The following CEP97 variants were observed in gnomAD, a reference collection of about 807,000 sequenced individuals.
CEP97 encodes centrosomal protein of 97 kDa.
Under a neutral mutation model 73.1 loss-of-function variants are expected in CEP97, and 43 were observed. The observed-to-expected ratio is 0.59, with a 90% confidence interval of 0.46 to 0.76. The LOEUF (loss-of-function observed/expected upper bound fraction) is 0.76. Ranked by LOEUF, CEP97 falls within the 30% of genes least tolerant of loss-of-function variation. CEP97 has a pLI of 0.00. For missense variants in CEP97, 939 were observed against 1,014.0 expected, an observed-to-expected ratio of 0.93 and a Z score of 1.00; for synonymous variants, 337 against 370.0, an observed-to-expected ratio of 0.91 and a Z score of 1.02.
chr3:101,751,540 G>A (rs1280162997), intron 6 of CEP97, among the ~76,000 whole-genome samples: 2 of 152,140 alleles, frequency 1.3e-5, no homozygotes, highest in East Asian at 3.8e-4. Flanking sequence ...ATTATTGTGT[G>A]GGAGTCTAAG....
At position 101,765,207 on chromosome 3, in the gene CEP97, A is replaced by G. The variant is rs1939281047; in HGVS notation, c.2254A>G (p.Ser752Gly). 6.2e-7 allele frequency: 1 copy of G among 1,614,230 alleles called. No individual in the cohort carries two copies. The highest frequency in any genetic ancestry group is 8.5e-7 in the Non-Finnish European group (1 of 1,180,040). Reference sequence around the variant, plus strand: ...CAAAGAATCAGATTTAGGGGATGTTAGTGAAGAACATGGTGAATGGAATAA... The same window carrying G: ...CAAAGAATCAGATTTAGGGGATGTTGGTGAAGAACATGGTGAATGGAATAA... ...YGKESDLGDV[S>G]EEHGEWNKES... The change falls in exon 11 of 11, where the codon AGT becomes GGT. Residue 752 changes from serine (S) to glycine (G), a missense_variant. Transcript: ENST00000341893.
At position 101,755,472 on chromosome 3, in the gene CEP97, A is replaced by G. The variant is rs1486615992; in HGVS notation, c.771A>G (p.Ala257=). 1.2e-6 allele frequency: 2 copies of G among 1,614,150 alleles called. No homozygotes were observed. Among genetic ancestry groups the G allele is most frequent in the South Asian group, 2.2e-5 (2 of 91,086 alleles). ...TCTATAGTCAAGGCAAGGGGAGAGC[A>G]TATCGGCCTGGCCAGCACATCCAGC... The part of the protein sequence containing the change: ...EWLYSQGKGR[A]YRPGQHIQLV... Residue 257 remains alanine (A), a synonymous_variant, in exon 7 of 11, where the codon GCA becomes GCG. Transcript: ENST00000341893.
intron 2 of CEP97, 128 bp from the exon 3 acceptor site, chr3:101,727,255 A>G (rs866202332): frequency 5.9e-6 from 4 of 678,828 alleles, no homozygotes; most frequent in Middle Eastern, 3.8e-4. Context: ...TAGACAATAT[A>G]TGTGAAATGT....
In CEP97 at chr3:101,765,288, G is replaced by A. The variant is rs1316903606; in HGVS notation, c.2335G>A (p.Val779Ile). 5.6e-6 allele frequency: 9 copies of A among 1,614,038 alleles called. No individual in the cohort carries two copies. The East Asian group carries it at 8.9e-5, about 16-fold the overall frequency. Residue 779 changes from valine to isoleucine, a missense_variant, in exon 11 of 11, where the codon GTT becomes ATT. Transcript: ENST00000341893. ...NSLLEQYLTS[V>I]QQLEDADERT... ...TCTGCTTGAACAGTATTTAACTTCAGTTCAACAGCTGGAAGATGCTGATGA... is the reference window on the plus strand; with the variant it reads ...TCTGCTTGAACAGTATTTAACTTCAATTCAACAGCTGGAAGATGCTGATGA...
At chr3:101,735,727 C>T (rs1273675660) in intron 6 of CEP97, among the ~76,000 whole-genome samples, 2 of 152,188 alleles carry the variant, frequency 1.3e-5, no homozygotes, top group Non-Finnish European at 2.9e-5. Context: ...CCCTCCAGTG[C>T]CTACGCCACC....
intron 6 of CEP97, among the ~76,000 whole-genome samples, chr3:101,740,062 C>G (rs981359382): frequency 7.2e-5 from 11 of 152,228 alleles, no homozygotes; most frequent in African/African-American, 2.6e-4. Context: ...TGAAAACTGG[C>G]ACAAGACAGG....
At position 101,757,183 on chromosome 3, in the gene CEP97, A is replaced by G. The variant is rs373790394; in HGVS notation, c.1014A>G (p.Ile338Met). 5.0e-6 allele frequency: 8 copies of G among 1,603,816 alleles called. No individual in the cohort carries two copies. Among genetic ancestry groups the G allele is most frequent in the Non-Finnish European group, 6.8e-6 (8 of 1,177,420 alleles). The change falls in exon 8 of 11, where the codon ATA becomes ATG. Residue 338 changes from isoleucine (I) to methionine (M), a missense_variant. Ile to Met is a conservative substitution (Grantham distance 10). Transcript: ENST00000341893. ...EHSSPVQDCQ[I>M]SQESEPVIQV... ...CAAGCCCTGTTCAAGATTGCCAGAT[A>G]TCCCAGGAAAGTGGTAAGAAATGAA...
intron 6 of CEP97, among the ~76,000 whole-genome samples, chr3:101,743,967 G>T (rs1364733025): frequency 6.8e-6 from 1 of 147,410 alleles, no homozygotes; most frequent in East Asian, 2.0e-4. Flanking sequence ...TCGTGCCATT[G>T]AACTCTAGCC....
intron 6 of CEP97, among the ~76,000 whole-genome samples, chr3:101,754,708 T>TTC (rs1938954813): frequency 2.0e-5 from 3 of 152,182 alleles, no homozygotes; most frequent in Non-Finnish European, 2.9e-5. Flanking sequence ...TTGCTTTCTT[T>TTC]TCTCTCTCTC....
At chr3:101,754,946 G>A (rs1481385502) in intron 6 of CEP97, among the ~76,000 whole-genome samples, 2 of 150,644 alleles carry the variant, frequency 1.3e-5, no homozygotes, top group African/African-American at 4.9e-5. Flanking sequence ...GGACTATAAG[G>A]TTGACAGGTA....
Position 101,765,087 on chromosome 3 carries a change from C to G in CEP97, c.2134C>G (p.His712Asp). 6.2e-7 allele frequency: 1 copy of G among 1,614,146 alleles called. No homozygotes were observed. The highest frequency in any genetic ancestry group is 8.5e-7 in the Non-Finnish European group (1 of 1,180,038). ...GFHSSLTEQV[H>D]SLQHSLDFEK... ...TCATTCCTCTCTAACAGAACAAGTT[C>G]ATTCATTGCAGCATTCTTTGGATTT... Residue 712 changes from histidine (H) to aspartate (D), a missense_variant, in exon 11 of 11, where the codon CAT (histidine) becomes GAT (aspartate). Transcript: ENST00000341893.
At chr3:101,738,070 C>G (rs545733386) in intron 6 of CEP97, among the ~76,000 whole-genome samples, 1 of 134,476 alleles carries the variant, frequency 7.4e-6, no homozygotes, top group Non-Finnish European at 1.6e-5. Context: ...ATAAAACAGA[C>G]TTTAAACCAA....
chr3:101,755,063 T>G (rs1938965796), intron 6 of CEP97, among the ~76,000 whole-genome samples: 1 of 152,032 alleles, frequency 6.6e-6, no homozygotes, highest in African/African-American at 2.4e-5. Flanking sequence ...CTAGTTTTTT[T>G]TTTTCTTTTA....
chr3:101,727,592 A>C, intron 3 of CEP97, 51 bp downstream of exon 3: 1 of 1,512,104 alleles, frequency 6.6e-7, no homozygotes, highest in Non-Finnish European at 8.9e-7. Context: ...AAAAAAATTC[A>C]AGCAATGTAG....
chr3:101,755,450 A>G lies in CEP97; in HGVS notation c.749A>G (p.Tyr250Cys), dbSNP rs767234918. ...TCCAGTTTGAAAGCTGAATGGCTCT[A>G]TAGTCAAGGCAAGGGGAGAGCATAT... is the stretch of plus-strand genomic sequence containing the variant. ...QKESLKAEWLYSQGKGRAYRP... is the reference protein window; with the variant it reads ...QKESLKAEWLCSQGKGRAYRP... The change falls in exon 7 of 11, where the codon TAT becomes TGT. Residue 250 changes from tyrosine (Y) to cysteine (C), a missense_variant. Physicochemically the swap from Tyr to Cys is radical, Grantham distance 194. Transcript: ENST00000341893. The G allele has an allele frequency of 3.1e-6, 5 of 1,614,022 alleles. No homozygotes were observed. The African/African-American group carries it at 4.0e-5, about 13-fold the overall frequency.
chr3:101,765,024 C>T lies in CEP97; in HGVS notation c.2071C>T (p.Gln691Ter), dbSNP rs748830169. The change falls in exon 11 of 11, where the codon CAA (glutamine) becomes TAA (stop). Residue 691 changes from glutamine (Q) to a stop codon, truncating the protein, a stop_gained. Transcript: ENST00000341893. LOFTEE classifies it low-confidence loss of function (END_TRUNC). Reference sequence around the variant, plus strand: ...GTTTATTGCTTCTGATGTAGCTCCTCAAGAGAAATCATTACCAGAATTTCC... The same window carrying T: ...GTTTATTGCTTCTGATGTAGCTCCTTAAGAGAAATCATTACCAGAATTTCC... ...DWFIASDVAP[Q>*]EKSLPEFPDS... 3 of 1,614,118 alleles carry T rather than the reference C, an allele frequency of 1.9e-6. No individual in the cohort carries two copies. The highest frequency in any genetic ancestry group is 8.5e-7 in the Non-Finnish European group (1 of 1,180,022).
At chr3:101,761,720 T>G (rs891908400) in intron 9 of CEP97, among the ~76,000 whole-genome samples, 2 of 151,904 alleles carry the variant, frequency 1.3e-5, no homozygotes, top group Non-Finnish European at 2.9e-5. Flanking sequence ...ATAAGGGAGT[T>G]TGCTAATTAT....
intron 9 of CEP97, among the ~76,000 whole-genome samples, chr3:101,761,888 A>G (rs1025978972): frequency 6.6e-6 from 1 of 152,152 alleles, no homozygotes; most frequent in African/African-American, 2.4e-5. Flanking sequence ...AAGTATGGAG[A>G]GAACAGCAGT....
chr3:101,748,716 C>T (rs1408045012), intron 6 of CEP97, among the ~76,000 whole-genome samples: 1 of 152,198 alleles, frequency 6.6e-6, no homozygotes, highest in Non-Finnish European at 1.5e-5. Flanking sequence ...TCTCGGCTTA[C>T]TGCAAGCTCC....
Sources: gnomAD v4.1 joint callset for allele counts (sites outside exome capture counted in the v4.1 genomes callset) on GRCh38, gnomAD v4.1.1 for gene constraint, MANE v1.5 for transcripts, NCBI Gene and HGNC (gene_info 2026-07-23, HGNC 2026-07-21) for gene names.